The following ZBTB10 variants were observed in gnomAD, a reference collection of about 807,000 sequenced individuals.
ZBTB10 encodes the protein zinc finger and BTB domain-containing protein 10.
In ZBTB10, 32 loss-of-function variants were observed where a neutral mutation model predicts 76.4. The observed-to-expected ratio is 0.42, with a 90% confidence interval of 0.32 to 0.56. The LOEUF is 0.56. Among genes scored for constraint, ZBTB10 ranks in the 20% least tolerant of loss-of-function variants. The pLI is 0.14. For missense variants in ZBTB10, 1,057 were observed against 1,098.5 expected (o/e 0.96, Z 0.53); for synonymous variants, 523 against 432.9 (o/e 1.21, Z -2.58).
At position 80,520,073 on chromosome 8, in the gene ZBTB10, C is replaced by G. The variant is rs1816418874; in HGVS notation, c.*545C>G. ...TTGTATTTTTCCATTTAATTTGCTT[C>G]ATAACTTAAACCAAGTCTCTTCTAG... On this transcript the variant is annotated 3_prime_UTR_variant, in exon 6 of 6. Coordinates refer to ENST00000455036, the MANE Select transcript of ZBTB10 (RefSeq NM_001105539.3). The G allele has an allele frequency of 6.6e-6, 1 of 152,366 alleles. No homozygotes were observed. The highest frequency in any genetic ancestry group is 6.6e-5 in the Admixed American group (1 of 15,232). 9.4% of individuals were successfully genotyped at this position (152,366 alleles called of 1,614,324 possible). A position where few individuals can be genotyped will look rare whatever the true frequency, so the allele number is the denominator to read the frequency against.
rs1395012096 is a variant in ZBTB10 at position 80,526,131 on chromosome 8, A to AT, written c.*6603_*6604insT. The stretch of plus-strand genomic sequence containing the variant: ...CCATTTGCTGCAAAGTATTTGTTTT[A>AT]AAATGTCTGGCATATACACCACTAA... On this transcript the variant is annotated 3_prime_UTR_variant, in exon 6 of 6. Coordinates refer to ENST00000455036, the MANE Select transcript of ZBTB10 (RefSeq NM_001105539.3). The AT allele has an allele frequency of 6.6e-6, 1 of 152,174 alleles. No individual in the cohort carries two copies. The highest frequency in any genetic ancestry group is 2.4e-5 in the African/African-American group (1 of 41,446). 9.4% of individuals were successfully genotyped at this position (152,174 alleles called of 1,614,324 possible). A position where few individuals can be genotyped will look rare whatever the true frequency, so the allele number is the denominator to read the frequency against.
intron 1 of ZBTB10, among the ~76,000 whole-genome samples, chr8:80,496,756 A>G (rs1815793250): frequency 6.6e-6 from 1 of 152,240 alleles, no homozygotes; most frequent in African/African-American, 2.4e-5. Context: ...ACTGCTTGAT[A>G]TACGGACTTT....
At chr8:80,503,090 A>C (rs1815965315) in intron 2 of ZBTB10, among the ~76,000 whole-genome samples, 1 of 152,218 alleles carries the variant, frequency 6.6e-6, no homozygotes, top group Admixed American at 6.5e-5. Context: ...AAATTGAGTC[A>C]AACATAATGA....
In ZBTB10 at chr8:80,494,897, C is replaced by T. The variant is rs187942416; in HGVS notation, c.973-4597C>T. Among the ~76,000 whole-genome samples, 1,288 of 150,042 alleles carry T rather than the reference C, an allele frequency of 8.6e-3. 9 individuals carry two copies. Among genetic ancestry groups the T allele is most frequent in the Non-Finnish European group, 0.014 (919 of 67,712 alleles). On this transcript the variant is annotated intron_variant, in intron 1 of 5. Transcript: ENST00000455036. ...CCATGATCTAACCACTGCACTCCAG[C>T]CTGGGTGACAGAGTGACACTGTCTC...
rs1325842132 is a variant in ZBTB10 at position 80,486,942 on chromosome 8, G to T, written c.132G>T (p.Pro44=). Residue 44 remains proline (P), a synonymous_variant, in exon 1 of 6, where the codon CCG becomes CCT. Coordinates refer to ENST00000455036, the MANE Select transcript of ZBTB10 (RefSeq NM_001105539.3). ...EASAWPPQPQ[P]RQPPPPAPPA... Reference sequence around the variant, plus strand: ...CAGCTTGGCCTCCGCAGCCCCAGCCGAGACAGCCCCCGCCGCCAGCGCCGC... The same window carrying T: ...CAGCTTGGCCTCCGCAGCCCCAGCCTAGACAGCCCCCGCCGCCAGCGCCGC... 2.6e-6 allele frequency: 4 copies of T among 1,513,220 alleles called. No homozygotes were observed. Among genetic ancestry groups the T allele is most frequent in the Non-Finnish European group, 3.5e-6 (4 of 1,135,256 alleles). 93.7% of individuals were successfully genotyped at this position (1,513,220 alleles called of 1,614,324 possible).
chr8:80,492,730 G>A (rs1162204604), intron 1 of ZBTB10, among the ~76,000 whole-genome samples: 1 of 151,974 alleles, frequency 6.6e-6, no homozygotes, highest in East Asian at 2.0e-4. Context: ...GCCCACCTCG[G>A]CCTCCGAGAG....
intron 2 of ZBTB10, among the ~76,000 whole-genome samples, chr8:80,507,768 T>A (rs1283956069): frequency 6.6e-6 from 1 of 152,126 alleles, no homozygotes; most frequent in Non-Finnish European, 1.5e-5. Flanking sequence ...GCTAATTTTT[T>A]TTAGATTTTT....
intron 1 of ZBTB10, among the ~76,000 whole-genome samples, chr8:80,489,950 C>T (rs1775672397): frequency 6.6e-6 from 1 of 152,132 alleles, no homozygotes; most frequent in Non-Finnish European, 1.5e-5. Flanking sequence ...TTATCAACCC[C>T]CCAGGTACCA....
Position 80,519,377 on chromosome 8 carries a change from A to G in ZBTB10, c.2465A>G (p.Gln822Arg), listed in dbSNP as rs1380551048. ...CCAGGAGGGCAAGAAGGTGTAGATC[A>G]GGGACAGGATACAGAATTCCCTCGG... ...SQPGGQEGVD[Q>R]GQDTEFPRDE... The change falls in exon 6 of 6, where the codon CAG becomes CGG. Residue 822 changes from glutamine (Q) to arginine (R), a missense_variant. Gln to Arg is a conservative substitution (Grantham distance 43, BLOSUM62 1). Transcript: ENST00000455036. 6 of 1,575,698 alleles carry G rather than the reference A, an allele frequency of 3.8e-6. No individual in the cohort carries two copies. The highest frequency in any genetic ancestry group is 4.6e-5 in the East Asian group (2 of 43,602).
chr8:80,510,893 G>A (rs1816175619), intron 2 of ZBTB10, among the ~76,000 whole-genome samples: 1 of 152,164 alleles, frequency 6.6e-6, no homozygotes, highest in Non-Finnish European at 1.5e-5. Flanking sequence ...AAAAGATGAT[G>A]ACCAAGAGTT....
rs1408930240 is a variant in ZBTB10 at position 80,520,320 on chromosome 8, T to C, written c.*792T>C. 6.6e-6 allele frequency: 1 copy of C among 152,580 alleles called. No individual in the cohort carries two copies. Among genetic ancestry groups the C allele is most frequent in the Non-Finnish European group, 1.5e-5 (1 of 67,980 alleles). 9.5% of individuals were successfully genotyped at this position (152,580 alleles called of 1,614,324 possible). ...TTTAGAAGTAACTTTCTTCTGCTGC[T>C]CTAATCTGATAAATGGTTACTATAT... On this transcript the variant is annotated 3_prime_UTR_variant, in exon 6 of 6. Coordinates refer to ENST00000455036, the MANE Select transcript of ZBTB10 (RefSeq NM_001105539.3).
intron 4 of ZBTB10, 30 bp from the exon 5 acceptor site, chr8:80,518,751 TA>T: frequency 6.3e-7 from 1 of 1,579,290 alleles, no homozygotes; most frequent in Non-Finnish European, 8.6e-7. Flanking sequence ...TAATGTGTAA[TA>T]AGCACTTTCT....
intron 2 of ZBTB10, among the ~76,000 whole-genome samples, chr8:80,503,599 C>T (rs1815978705): frequency 6.6e-6 from 1 of 152,070 alleles, no homozygotes; most frequent in South Asian, 2.1e-4. Flanking sequence ...CTCACTGAAA[C>T]CTCCGCCTCC....
At chr8:80,511,708 A>T (rs1816198619) in intron 2 of ZBTB10, among the ~76,000 whole-genome samples, 1 of 152,204 alleles carries the variant, frequency 6.6e-6, no homozygotes, top group African/African-American at 2.4e-5. Flanking sequence ...ATTTCAATTA[A>T]ATATTTTCAG....
intron 1 of ZBTB10, among the ~76,000 whole-genome samples, chr8:80,496,157 G>C (rs1331667352): frequency 6.6e-6 from 1 of 152,164 alleles, no homozygotes; most frequent in Non-Finnish European, 1.5e-5. Context: ...AAGATACCTG[G>C]AGTTATTAGG....
At chr8:80,512,601 ATC>A (rs1816223153) in intron 2 of ZBTB10, among the ~76,000 whole-genome samples, 1 of 152,156 alleles carries the variant, frequency 6.6e-6, no homozygotes, top group Admixed American at 6.5e-5. Flanking sequence ...AGTCCCAGCT[ATC>A]TGAGAGGCTG....
At chr8:80,514,560 A>C (rs1038704405) in intron 3 of ZBTB10, among the ~76,000 whole-genome samples, 1 of 152,262 alleles carries the variant, frequency 6.6e-6, no homozygotes, top group Admixed American at 6.5e-5. Flanking sequence ...CAATCCCCAC[A>C]GGAAATAATT....
In ZBTB10 at chr8:80,519,882, G is replaced by A. The variant is rs532247938; in HGVS notation, c.*354G>A. The stretch of plus-strand genomic sequence containing the variant: ...ACTTTAACATGAATGGAGAAAATCC[G>A]TTTATGGAAGTACAGTGACAATTGA... On this transcript the variant is annotated 3_prime_UTR_variant, in exon 6 of 6. Transcript: ENST00000455036. The A allele has an allele frequency of 4.1e-5, 7 of 170,704 alleles. No homozygotes were observed. The highest frequency in any genetic ancestry group is 6.4e-5 in the Non-Finnish European group (5 of 77,774). 10.6% of individuals were successfully genotyped at this position (170,704 alleles called of 1,614,324 possible). A position where few individuals can be genotyped will look rare whatever the true frequency, so the allele number is the denominator to read the frequency against.
chr8:80,485,935 T>C, upstream of ZBTB10: 3 of 1,511,276 alleles, frequency 2.0e-6, 1 homozygote, highest in South Asian at 3.6e-5. Flanking sequence ...GCCAGCTGTT[T>C]GTCCTCCGCG....
Sources: gnomAD v4.1 joint callset for allele counts (sites outside exome capture counted in the v4.1 genomes callset) on GRCh38, gnomAD v4.1.1 for gene constraint, MANE v1.5 for transcripts, NCBI Gene and HGNC (gene_info 2026-07-23, HGNC 2026-07-21) for gene names.